Variants in PACRG observed in about 807,000 individuals in gnomAD.
PACRG encodes parkin coregulated, also known as parkin coregulated gene protein.
Under a neutral mutation model 29.7 loss-of-function variants are expected in PACRG, and 29 were observed. That is an observed-to-expected ratio of 0.98 (90% CI 0.73 to 1.33). The LOEUF (loss-of-function observed/expected upper bound fraction) is 1.33, where lower values mean the gene tolerates loss of function less well. Among genes scored for constraint, PACRG ranks in the 40% most tolerant of loss-of-function variants. The probability of loss-of-function intolerance (pLI) is 0.00; values close to 1 mark genes in which losing one functional copy is unlikely to be tolerated. For synonymous variants in PACRG, 116 were observed against 118.7 expected (o/e 0.98, Z 0.15); for missense variants, 279 against 316.2 (o/e 0.88, Z 0.89).
Position 163,198,014 on chromosome 6 carries a change from T to C in PACRG, c.613+108606T>C, listed in dbSNP as rs75756105. The stretch of plus-strand genomic sequence containing the variant: ...TCATCATCACTGATGCAAAGAGAGG[T>C]TTCTAGATACGTGTTTATCTGTGAG... On this transcript the variant is annotated intron_variant, in intron 4 of 4. Transcript: ENST00000366888. 3.1e-3 allele frequency among the ~76,000 whole-genome samples: 468 copies of C among 152,020 alleles called. 3 individuals are homozygous for C. The highest frequency in any genetic ancestry group is 0.011 in the African/African-American group (442 of 41,470).
rs141374136 is a variant in PACRG, at chr6:163,264,357, C to T, written c.614-50470C>T. Among the ~76,000 whole-genome samples, 319 of 152,284 alleles carry T rather than the reference C, an allele frequency of 2.1e-3. 3 individuals carry two copies. The highest frequency in any genetic ancestry group is 7.1e-3 in the African/African-American group (295 of 41,556). On this transcript the variant is annotated intron_variant, in intron 4 of 4. Coordinates refer to ENST00000366888, the MANE Select transcript of PACRG (RefSeq NM_001080379.2). ...ACCCCACCAGCCTCCCGAGCTCCAT[C>T]GTCCCTCAGAGTCACTCCGCATCCA...
chr6:162,854,673 A>T (rs1791220054), intron 2 of PACRG, among the ~76,000 whole-genome samples: 1 of 152,148 alleles, frequency 6.6e-6, no homozygotes, highest in African/African-American at 2.4e-5. Flanking sequence ...TACGCATGAG[A>T]GTATGACTAA....
At chr6:163,126,387 A>G (rs1158250970) in intron 4 of PACRG, among the ~76,000 whole-genome samples, 1 of 152,166 alleles carries the variant, frequency 6.6e-6, no homozygotes, top group Non-Finnish European at 1.5e-5. Context: ...CCCCTAGATG[A>G]GCCTTCCCAC....
At chr6:163,030,065 C>G (rs1216339731) in intron 2 of PACRG, among the ~76,000 whole-genome samples, 1 of 152,112 alleles carries the variant, frequency 6.6e-6, no homozygotes, top group Non-Finnish European at 1.5e-5. Flanking sequence ...ACCTTTTTAT[C>G]TATTTCATGG....
chr6:163,235,668 T>C (rs2128165580), intron 4 of PACRG, among the ~76,000 whole-genome samples: 1 of 152,308 alleles, frequency 6.6e-6, no homozygotes, highest in East Asian at 1.9e-4. Context: ...TATTGTCCAC[T>C]TCCTCTTATA....
At chr6:163,218,189 C>G (rs1421686067) in intron 4 of PACRG, among the ~76,000 whole-genome samples, 1 of 152,144 alleles carries the variant, frequency 6.6e-6, no homozygotes, top group Non-Finnish European at 1.5e-5. Flanking sequence ...CCACTGAAAA[C>G]TTTTATCAAC....
intron 2 of PACRG, among the ~76,000 whole-genome samples, chr6:163,005,636 G>T (rs1804994855): frequency 6.6e-6 from 1 of 150,932 alleles, no homozygotes; most frequent in East Asian, 1.9e-4. Context: ...AGCTTACCTT[G>T]TGTAACTTGA....
intron 2 of PACRG, among the ~76,000 whole-genome samples, chr6:163,019,557 A>G (rs1291470225): frequency 6.6e-6 from 1 of 150,628 alleles, no homozygotes; most frequent in South Asian, 2.1e-4. Context: ...AGCGTGCACA[A>G]CCTCTCCCAG....
chr6:163,062,794 C>T (rs1811205390), intron 3 of PACRG, among the ~76,000 whole-genome samples: 1 of 152,176 alleles, frequency 6.6e-6, no homozygotes, highest in African/African-American at 2.4e-5. Flanking sequence ...TTTTAATCTA[C>T]AATAGGTAAG....
intron 2 of PACRG, among the ~76,000 whole-genome samples, chr6:162,947,625 TATATATATATATATATATATATAC>T (rs1291946791): frequency 7.5e-5 from 4 of 53,386 alleles, no homozygotes; most frequent in African/African-American, 2.1e-4. Flanking sequence ...TATATATATA[TATATATATATATATATATATATAC>T]ACCCAAAGAT....
intron 1 of PACRG, among the ~76,000 whole-genome samples, chr6:162,737,181 T>C (rs1009218834): frequency 2.6e-5 from 4 of 152,158 alleles, no homozygotes; most frequent in Non-Finnish European, 5.9e-5. Flanking sequence ...AAGGGGCTTT[T>C]GACTTCCCGG....
intron 4 of PACRG, among the ~76,000 whole-genome samples, chr6:163,247,887 T>C (rs1782752479): frequency 6.6e-6 from 1 of 152,252 alleles, no homozygotes; most frequent in African/African-American, 2.4e-5. Flanking sequence ...CCTGTGAAGT[T>C]GGTTTTTATT....
chr6:162,827,874 A>G (rs542642583), intron 2 of PACRG, among the ~76,000 whole-genome samples: 1 of 152,030 alleles, frequency 6.6e-6, no homozygotes, highest in Admixed American at 6.5e-5. Flanking sequence ...TGACTTTCCC[A>G]GGCCAGATTG....
At position 163,167,432 on chromosome 6, in the gene PACRG, G is replaced by C. The variant is rs186477836; in HGVS notation, c.613+78024G>C. Among the ~76,000 whole-genome samples, 117 of 152,178 alleles carry C rather than the reference G, an allele frequency of 7.7e-4. 1 individual carries two copies. Among genetic ancestry groups the C allele is most frequent in the African/African-American group, 2.7e-3 (111 of 41,524 alleles). ...TATGCTATATCCTTCAGGGTTCTTT[G>C]CCAAGTTGATATATCATGGCATTGT... On this transcript the variant is annotated intron_variant, in intron 4 of 4. Transcript: ENST00000366888.
At chr6:162,765,192 A>G (rs1040287212) in intron 1 of PACRG, among the ~76,000 whole-genome samples, 4 of 151,988 alleles carry the variant, frequency 2.6e-5, no homozygotes, top group Admixed American at 2.0e-4. Context: ...CCTGAATATT[A>G]GTCCTATCTG....
At chr6:163,163,026 C>T (rs1381567095) in intron 4 of PACRG, among the ~76,000 whole-genome samples, 1 of 152,182 alleles carries the variant, frequency 6.6e-6, no homozygotes, top group Non-Finnish European at 1.5e-5. Context: ...GGAATCGTGT[C>T]CTAACCAAGT....
chr6:163,241,277 T>C (rs566733873), intron 4 of PACRG, among the ~76,000 whole-genome samples: 1 of 152,312 alleles, frequency 6.6e-6, no homozygotes, highest in South Asian at 2.1e-4. Context: ...ATCTGAATGT[T>C]CACTTAACAT....
chr6:162,950,358 A>C (rs1044353072), intron 2 of PACRG, among the ~76,000 whole-genome samples: 1 of 152,054 alleles, frequency 6.6e-6, no homozygotes, highest in Non-Finnish European at 1.5e-5. Flanking sequence ...GAAAAAAAAA[A>C]TTAGCCGGGC....
chr6:163,243,465 C>T (rs1336736272), intron 4 of PACRG, among the ~76,000 whole-genome samples: 1 of 152,214 alleles, frequency 6.6e-6, no homozygotes, highest in Non-Finnish European at 1.5e-5. Context: ...AGGACATTTC[C>T]AAGCTCCCAA....
Sources: allele counts gnomAD v4.1 joint callset (sites outside exome capture counted in the v4.1 genomes callset), GRCh38; gene constraint gnomAD v4.1.1; transcripts MANE v1.5; gene names NCBI Gene and HGNC (gene_info 2026-07-23, HGNC 2026-07-21).